GPC6: variants seen among roughly 807,000 people sequenced by gnomAD.
GPC6 encodes glypican 6.
In GPC6, 14 loss-of-function variants were observed where a neutral mutation model predicts 55.2. That is an observed-to-expected ratio of 0.25 (90% CI 0.17 to 0.40). GPC6 has a LOEUF of 0.40. Among genes scored for constraint, GPC6 ranks in the 10% least tolerant of loss-of-function variants. GPC6 has a pLI of 1.00. For synonymous variants in GPC6, 278 were observed against 259.6 expected, an observed-to-expected ratio of 1.07 and a Z score of -0.68; for missense variants, 641 against 708.5, an observed-to-expected ratio of 0.90 and a Z score of 1.08.
intron 1 of GPC6, among the ~76,000 whole-genome samples, chr13:93,391,942 G>A (rs983967209): frequency 6.6e-6 from 1 of 152,094 alleles, no homozygotes; most frequent in African/African-American, 2.4e-5. Flanking sequence ...CTGCTGAGCT[G>A]TATTTTTTGA....
intron 2 of GPC6, among the ~76,000 whole-genome samples, chr13:93,794,019 G>A (rs1886126026): frequency 6.6e-6 from 1 of 152,148 alleles, no homozygotes; most frequent in South Asian, 2.1e-4. Flanking sequence ...CTTTGACATA[G>A]GGATTATAAT....
intron 4 of GPC6, among the ~76,000 whole-genome samples, chr13:94,067,212 A>G (rs1014127833): frequency 1.3e-5 from 2 of 152,204 alleles, no homozygotes; most frequent in Non-Finnish European, 2.9e-5. Context: ...TATGGAATAT[A>G]TAATAACTGA....
At chr13:93,741,119 T>C (rs865844939) in intron 2 of GPC6, among the ~76,000 whole-genome samples, 4 of 135,344 alleles carry the variant, frequency 3.0e-5, no homozygotes, top group South Asian at 2.6e-4. Flanking sequence ...TCCAGAATCT[T>C]TTTTTTTTTT....
intron 2 of GPC6, among the ~76,000 whole-genome samples, chr13:93,747,306 A>G (rs1467021472): frequency 6.6e-6 from 1 of 152,218 alleles, no homozygotes; most frequent in African/African-American, 2.4e-5. Context: ...GAAAGAGCTG[A>G]CAGGCAGCTA....
intron 4 of GPC6, among the ~76,000 whole-genome samples, chr13:94,163,079 T>G (rs1888224680): frequency 6.6e-6 from 1 of 152,208 alleles, no homozygotes; most frequent in African/African-American, 2.4e-5. Context: ...TCTGAATCAT[T>G]ATTTTTCTCA....
In GPC6 at chr13:93,631,573, A is replaced by G. The variant is rs185198886; in HGVS notation, c.319+86152A>G. Among the ~76,000 whole-genome samples, 40 of 152,214 alleles carry G rather than the reference A, an allele frequency of 2.6e-4. 1 individual carries two copies. Among genetic ancestry groups the G allele is most frequent in the Middle Eastern group, 3.4e-3 (1 of 294 alleles). On this transcript the variant is annotated intron_variant, in intron 2 of 8. Coordinates refer to ENST00000377047, the MANE Select transcript of GPC6 (RefSeq NM_005708.5). ...ATCTGAACATTAGTCCAGATCCAATATTTTCTAAAAAGTTTTACCTGATAA... is the reference window on the plus strand; with the variant it reads ...ATCTGAACATTAGTCCAGATCCAATGTTTTCTAAAAAGTTTTACCTGATAA...
intron 2 of GPC6, among the ~76,000 whole-genome samples, chr13:93,635,926 T>A (rs903103517): frequency 5.3e-5 from 8 of 152,112 alleles, no homozygotes; most frequent in Admixed American, 5.2e-4. Context: ...GTGCTCCCAT[T>A]CCCCTACATT....
At position 93,547,701 on chromosome 13, in the gene GPC6, T is replaced by C. The variant is rs560324324; in HGVS notation, c.319+2280T>C. Among the ~76,000 whole-genome samples, 5 of 152,274 alleles carry C rather than the reference T, an allele frequency of 3.3e-5. No homozygotes were observed. In the East Asian group the frequency reaches 7.8e-4, roughly 24 times the overall value. ...GAGAGAAATTAAGATTTTGTTTTTT[T>C]TGGAGGCTTTCAGCCAGAGTGGGAA... On this transcript the variant is annotated intron_variant, in intron 2 of 8. Coordinates refer to ENST00000377047, the MANE Select transcript of GPC6 (RefSeq NM_005708.5).
intron 6 of GPC6, among the ~76,000 whole-genome samples, chr13:94,315,692 A>G (rs2139123274): frequency 6.6e-6 from 1 of 152,340 alleles, no homozygotes; most frequent in African/African-American, 2.4e-5. Flanking sequence ...ATTGATAAAA[A>G]TCCATGTCAT....
intron 4 of GPC6, among the ~76,000 whole-genome samples, chr13:94,118,902 C>T (rs879842767): frequency 7.2e-5 from 11 of 152,012 alleles, no homozygotes; most frequent in Non-Finnish European, 1.5e-4. Context: ...TAAGCAGGCT[C>T]CTCGACTAAA....
chr13:93,428,553 A>G (rs1384821397), intron 1 of GPC6, among the ~76,000 whole-genome samples: 1 of 152,154 alleles, frequency 6.6e-6, no homozygotes, highest in African/African-American at 2.4e-5. Flanking sequence ...TTTTTCTTTT[A>G]TATCCTGGCC....
intron 3 of GPC6, among the ~76,000 whole-genome samples, chr13:94,020,463 A>G (rs955039321): frequency 1.3e-5 from 2 of 152,126 alleles, no homozygotes; most frequent in Non-Finnish European, 2.9e-5. Context: ...GTATGTTTTT[A>G]TTAGATTCCA....
chr13:93,331,102 G>C (rs1879827614), intron 1 of GPC6, among the ~76,000 whole-genome samples: 1 of 152,030 alleles, frequency 6.6e-6, no homozygotes, highest in Admixed American at 6.5e-5. Context: ...TTTTGGCTTT[G>C]TTTCAGTCTT....
intron 4 of GPC6, among the ~76,000 whole-genome samples, chr13:94,099,987 G>A (rs1885797487): frequency 6.6e-6 from 1 of 152,108 alleles, no homozygotes; most frequent in Non-Finnish European, 1.5e-5. Context: ...GGAGGGAGAG[G>A]AGCAGGAAAG....
chr13:93,678,215 G>T (rs1237933264), intron 2 of GPC6, among the ~76,000 whole-genome samples: 1 of 151,934 alleles, frequency 6.6e-6, no homozygotes, highest in African/African-American at 2.4e-5. Context: ...TTTTTCTAAG[G>T]TGGCTTTATC....
intron 3 of GPC6, among the ~76,000 whole-genome samples, chr13:94,003,792 C>T (rs1448796775): frequency 2.0e-5 from 3 of 152,096 alleles, no homozygotes; most frequent in African/African-American, 7.2e-5. Context: ...AATTACCCCT[C>T]AATGTGACTC....
intron 6 of GPC6, among the ~76,000 whole-genome samples, chr13:94,324,200 G>C (rs1876985201): frequency 6.7e-6 from 1 of 149,670 alleles, no homozygotes; most frequent in South Asian, 2.1e-4. Flanking sequence ...CTAGAGGAAT[G>C]ATGGCACACA....
At chr13:93,926,872 A>G (rs1189947558) in intron 3 of GPC6, among the ~76,000 whole-genome samples, 1 of 152,202 alleles carries the variant, frequency 6.6e-6, no homozygotes, top group East Asian at 1.9e-4. Context: ...TTGAGTCACC[A>G]GAGCTTATGC....
chr13:94,148,506 TATAAG>T lies in GPC6; in HGVS notation c.877+120616_877+120620del, dbSNP rs200131346. Among the ~76,000 whole-genome samples, 1,094 of 152,278 alleles carry T rather than the reference TATAAG, an allele frequency of 7.2e-3. 7 individuals are homozygous for T. The highest frequency in any genetic ancestry group is 0.011 in the African/African-American group (444 of 41,558). ...ATTCAGCTAATAGATTCAATGGAAATATAAGATATTATTTTGCAAGTCAAAGACAA... is the reference window on the plus strand; with the variant it reads ...ATTCAGCTAATAGATTCAATGGAAATATATTATTTTGCAAGTCAAAGACAA... On this transcript the variant is annotated intron_variant, in intron 4 of 8. Transcript: ENST00000377047.
Sources: gnomAD v4.1 joint callset for allele counts (sites outside exome capture counted in the v4.1 genomes callset) on GRCh38, gnomAD v4.1.1 for gene constraint, MANE v1.5 for transcripts, NCBI Gene and HGNC (gene_info 2026-07-23, HGNC 2026-07-21) for gene names.